The following KIF1C variants were observed in gnomAD, a reference collection of about 807,000 sequenced individuals.
KIF1C encodes the protein kinesin-like protein KIF1C.
A neutral mutation model predicts 126.5 loss-of-function variants in KIF1C; 61 were observed. The ratio of observed to expected loss-of-function variants is 0.48; its 90% CI spans 0.39 to 0.60. The LOEUF (loss-of-function observed/expected upper bound fraction) is 0.60, where lower values mean the gene tolerates loss of function less well. KIF1C is among the 20% of genes least tolerant of loss of function. KIF1C has a pLI of 0.00. For missense variants in KIF1C, 1,315 were observed against 1,489.2 expected (o/e 0.88, Z 1.93); for synonymous variants, 640 against 580.6 (o/e 1.10, Z -1.47).
chr17:5,007,611 A>G, intron 16 of KIF1C, 69 bp downstream of exon 16: 2 of 1,322,750 alleles, frequency 1.5e-6, no homozygotes, highest in East Asian at 2.3e-5. Flanking sequence ...CAGCAGGTGC[A>G]GGGTAGTGAG....
Position 5,024,182 on chromosome 17 carries a change from G to T in KIF1C, c.*31G>T, listed in dbSNP as rs1975161045. On this transcript the variant is annotated 3_prime_UTR_variant, in exon 23 of 23. Coordinates refer to ENST00000320785, the MANE Select transcript of KIF1C (RefSeq NM_006612.6). ...ACATCCTGGGCAGAGGGCCTGGTGG[G>T]GCCCCTTGCTAGGAGAAGGGAAGAC... The T allele has an allele frequency of 6.6e-7, 1 of 1,518,924 alleles. No homozygotes were observed. The highest frequency in any genetic ancestry group is 1.4e-5 in the African/African-American group (1 of 71,304). 94.1% of individuals were successfully genotyped at this position (1,518,924 alleles called of 1,614,324 possible).
chr17:5,015,163 C>T (rs377623), intron 18 of KIF1C, among the ~76,000 whole-genome samples: 2 of 152,160 alleles, frequency 1.3e-5, no homozygotes, highest in East Asian at 3.9e-4. Flanking sequence ...TTGTTCACCA[C>T]AACTAGCACT....
intron 3 of KIF1C, 90 bp downstream of exon 3, chr17:5,000,442 G>T (rs1184448553): frequency 1.1e-6 from 1 of 873,860 alleles, no homozygotes; most frequent in South Asian, 1.5e-5. Context: ...ACTAAGAGGA[G>T]GGTAATGCTG....
intron 13 of KIF1C, among the ~76,000 whole-genome samples, chr17:5,005,578 G>A (rs1974708205): frequency 6.6e-6 from 1 of 152,270 alleles, no homozygotes; most frequent in South Asian, 2.1e-4. Flanking sequence ...GGAAAGAGAA[G>A]GATAAGGTAG....
Position 5,000,254 on chromosome 17 carries a change from G to T in KIF1C, c.8G>T (p.Gly3Val), listed in dbSNP as rs776032010. The change falls in exon 3 of 23, where the codon GGT becomes GTT. Residue 3 changes from glycine (G) to valine (V), a missense_variant. Physicochemically the swap from Gly to Val is moderately radical, Grantham distance 109. Around this residue, in one of 2 missense-constraint regions of KIF1C, gnomAD observed 874 missense variants for 1,053.2 expected, o/e 0.83. Transcript: ENST00000320785. Reference protein sequence around the residue: MAGASVKVAVRVR... With the variant: MAVASVKVAVRVR... ...GCAGGAGTGTCTGGAGCTATGGCTG[G>T]TGCCTCGGTGAAAGTGGCAGTGAGG... 1 of 1,569,882 alleles carries T rather than the reference G, an allele frequency of 6.4e-7. No individual in the cohort carries two copies. Among genetic ancestry groups the T allele is most frequent in the Non-Finnish European group, 8.6e-7 (1 of 1,158,282 alleles).
At chr17:5,008,016 C>G (rs1974774623) in intron 16 of KIF1C, among the ~76,000 whole-genome samples, 2 of 152,076 alleles carry the variant, frequency 1.3e-5, no homozygotes, top group Non-Finnish European at 2.9e-5. Flanking sequence ...AACTGGTTTC[C>G]TGGAGAAGGT....
At position 5,004,027 on chromosome 17, in the gene KIF1C, C is replaced by T. The variant is rs1377382628; in HGVS notation, c.894C>T (p.Ile298=). The change falls in exon 11 of 23, where the codon ATC becomes ATT. Residue 298 remains isoleucine (I), a synonymous_variant. Transcript: ENST00000320785. ...MQSKKRKSDF[I]PYRDSVLTWL... ...CAAAGAAGCGAAAGTCGGATTTTAT[C>T]CCCTACAGGGACTCTGTGCTCACCT... 1 of 1,614,052 alleles carries T rather than the reference C, an allele frequency of 6.2e-7. No individual in the cohort carries two copies. The highest frequency in any genetic ancestry group is 8.5e-7 in the Non-Finnish European group (1 of 1,179,988).
intron 2 of KIF1C, 113 bp downstream of exon 2, chr17:5,000,083 G>A: frequency 1.6e-6 from 1 of 606,480 alleles, no homozygotes; most frequent in Non-Finnish European, 3.0e-6. Context: ...AAAGCCAAGG[G>A]AATAAGAGCT....
intron 16 of KIF1C, chr17:5,012,122 C>T (rs2143348399): frequency 6.6e-6 from 1 of 152,276 alleles, no homozygotes; most frequent in Non-Finnish European, 1.5e-5. Context: ...GTTTCCACGC[C>T]AAGCCTCACC....
At chr17:5,018,812 A>AT (rs1975031948) in intron 18 of KIF1C, among the ~76,000 whole-genome samples, 1 of 151,980 alleles carries the variant, frequency 6.6e-6, no homozygotes, top group African/African-American at 2.4e-5. Flanking sequence ...GAGAGCAGGG[A>AT]TTTTTTGTTT....
intron 9 of KIF1C, 66 bp downstream of exon 9, chr17:5,003,755 G>T (rs966995936): frequency 2.6e-6 from 4 of 1,563,828 alleles, no homozygotes; most frequent in African/African-American, 2.7e-5. Context: ...GAGGTCTCCA[G>T]TCGGAACCTG....
rs555680999 is a variant in KIF1C, at chr17:5,019,693, G to T, written c.1667-303G>T. 3.0e-5 allele frequency: 12 copies of T among 397,978 alleles called. No individual in the cohort carries two copies. The East Asian group carries it at 5.9e-4, about 20-fold the overall frequency. 24.7% of individuals were successfully genotyped at this position (397,978 alleles called of 1,614,324 possible). On this transcript the variant is annotated intron_variant, in intron 18 of 22. Transcript: ENST00000320785. ...ACAGGGCCTCTGAGCAGTTAAACATGAGGAATGAATCCTTTTGACAATTAC... is the reference window on the plus strand; with the variant it reads ...ACAGGGCCTCTGAGCAGTTAAACATTAGGAATGAATCCTTTTGACAATTAC...
intron 21 of KIF1C, among the ~76,000 whole-genome samples, chr17:5,021,481 C>T (rs566298462): frequency 1.4e-4 from 21 of 151,022 alleles, no homozygotes; most frequent in African/African-American, 1.9e-4. Flanking sequence ...CGGCCATGGA[C>T]TTTCTATTTT....
At chr17:5,013,307 G>A (rs1974905983) in intron 16 of KIF1C, among the ~76,000 whole-genome samples, 1 of 152,146 alleles carries the variant, frequency 6.6e-6, no homozygotes, top group South Asian at 2.1e-4. Flanking sequence ...CTTCTGGTGA[G>A]GGAGCCTGGT....
At position 5,000,336 on chromosome 17, in the gene KIF1C, G is replaced by T; in HGVS notation, c.90G>T (p.Met30Ile). ...TSQDAKCVVS[M>I]QGNTTSIINP... The stretch of plus-strand genomic sequence containing the variant: ...AGGATGCCAAGTGTGTGGTCAGCAT[G>T]CAGGGCAACACCACCTGTGAGTGAG... The change falls in exon 3 of 23, where the codon ATG (methionine) becomes ATT (isoleucine). Residue 30 changes from methionine to isoleucine, a missense_variant. By Grantham distance (10) the Met-to-Ile change is conservative. This residue lies in a region of KIF1C where 874 missense variants were observed against 1,053.2 expected (regional missense o/e 0.83). Transcript: ENST00000320785. The T allele has an allele frequency of 6.3e-7, 1 of 1,587,278 alleles. No homozygotes were observed. Among genetic ancestry groups the T allele is most frequent in the Non-Finnish European group, 8.6e-7 (1 of 1,167,940 alleles).
chr17:5,000,965 G>T, intron 4 of KIF1C, 117 bp downstream of exon 4: 1 of 1,118,888 alleles, frequency 8.9e-7, no homozygotes, highest in South Asian at 1.3e-5. Flanking sequence ...GAATTGGGAG[G>T]ATGATCCTGG....
chr17:5,006,027 T>C (rs1167146784), intron 13 of KIF1C, among the ~76,000 whole-genome samples: 1 of 151,064 alleles, frequency 6.6e-6, no homozygotes, highest in Non-Finnish European at 1.5e-5. Context: ...ACCAACATGG[T>C]GAAACCCCGT....
intron 16 of KIF1C, 89 bp downstream of exon 16, chr17:5,007,631 T>A: frequency 9.2e-7 from 1 of 1,086,494 alleles, no homozygotes; most frequent in Non-Finnish European, 1.3e-6. Flanking sequence ...GTGCTGTCCC[T>A]GATCGCTCCC....
intron 18 of KIF1C, among the ~76,000 whole-genome samples, chr17:5,015,938 T>C (rs1974962190): frequency 6.6e-6 from 1 of 151,864 alleles, no homozygotes; most frequent in African/African-American, 2.4e-5. Flanking sequence ...GTTCTAACAC[T>C]TAAAAAAAAA....
Sources: allele counts gnomAD v4.1 joint callset (sites outside exome capture counted in the v4.1 genomes callset), GRCh38; gene constraint gnomAD v4.1.1; regional missense constraint gnomAD v4.1.1; transcripts MANE v1.5; gene names NCBI Gene and HGNC (gene_info 2026-07-23, HGNC 2026-07-21).